The following SORCS1 variants were observed in gnomAD, a reference collection of about 807,000 sequenced individuals.
The protein encoded by SORCS1 is sortilin related VPS10 domain containing receptor 1, also known as VPS10 domain-containing receptor SorCS1.
In SORCS1, 60 loss-of-function variants were observed where a neutral mutation model predicts 146.1. That is an observed-to-expected ratio of 0.41 (90% CI 0.33 to 0.51). SORCS1 has a LOEUF of 0.51. SORCS1 is among the 20% of genes least tolerant of loss of function. The pLI is 0.21. For synonymous variants in SORCS1, 637 were observed against 584.0 expected, an observed-to-expected ratio of 1.09 and a Z score of -1.31; for missense variants, 1,352 against 1,487.6, an observed-to-expected ratio of 0.91 and a Z score of 1.50.
chr10:107,086,468 A>T (rs1332414675), intron 1 of SORCS1, among the ~76,000 whole-genome samples: 1 of 152,226 alleles, frequency 6.6e-6, no homozygotes, highest in African/African-American at 2.4e-5. Context: ...TAAATTTATC[A>T]AACTATAAAT....
intron 24 of SORCS1, among the ~76,000 whole-genome samples, chr10:106,588,876 A>C (rs1845416384): frequency 6.6e-6 from 1 of 150,692 alleles, no homozygotes; most frequent in African/African-American, 2.4e-5. Context: ...AAAAAAAAAA[A>C]AAAAAAAAAA....
intron 21 of SORCS1, among the ~76,000 whole-genome samples, chr10:106,613,764 C>T (rs1406390478): frequency 3.3e-5 from 5 of 152,196 alleles, no homozygotes; most frequent in Admixed American, 6.5e-5. Flanking sequence ...GCCTTCCTGG[C>T]CCTACATAAC....
chr10:106,902,519 A>C (rs530615672), intron 2 of SORCS1, among the ~76,000 whole-genome samples: 2 of 152,310 alleles, frequency 1.3e-5, no homozygotes, highest in African/African-American at 4.8e-5. Context: ...TAATATAGAG[A>C]GCTTAAAAAA....
At position 106,947,797 on chromosome 10, in the gene SORCS1, G is replaced by T. The variant is rs375232053; in HGVS notation, c.626+8716C>A. 1.0e-3 allele frequency among the ~76,000 whole-genome samples: 156 copies of T among 151,134 alleles called. 1 individual carries two copies. Among genetic ancestry groups the T allele is most frequent in the African/African-American group, 3.4e-3 (139 of 41,170 alleles). Reference sequence around the variant, plus strand: ...AGAGAGGCAGAGGTTGCAGTGAGCCGAGAACATGCCATCACTCTTCACAAG... The same window carrying T: ...AGAGAGGCAGAGGTTGCAGTGAGCCTAGAACATGCCATCACTCTTCACAAG... On this transcript the variant is annotated intron_variant, in intron 2 of 25. Transcript: ENST00000263054.
At chr10:106,898,485 C>T (rs1377182481) in intron 2 of SORCS1, among the ~76,000 whole-genome samples, 1 of 152,176 alleles carries the variant, frequency 6.6e-6, no homozygotes, top group African/African-American at 2.4e-5. Context: ...GAAAAGAGAA[C>T]CATTTCAACC....
chr10:106,672,533 C>T (rs1245640080), intron 15 of SORCS1, among the ~76,000 whole-genome samples: 1 of 152,168 alleles, frequency 6.6e-6, no homozygotes. Flanking sequence ...ATATCTTCCT[C>T]ATCCCTGCCC....
In SORCS1 at chr10:106,967,600, G is replaced by A. The variant is rs940925942; in HGVS notation, c.559-11020C>T. On this transcript the variant is annotated intron_variant, in intron 1 of 25. Transcript: ENST00000263054. ...ATTAACTGGGGCCAGGGAATAGGGG[G>A]AGAAGCTGGCAACTTAGCATGGTTG... Among the ~76,000 whole-genome samples, 13 of 152,200 alleles carry A rather than the reference G, an allele frequency of 8.5e-5. No homozygotes were observed. In the East Asian group the frequency reaches 2.5e-3, roughly 29 times the overall value.
At chr10:106,712,837 G>C (rs73380323) in intron 6 of SORCS1, among the ~76,000 whole-genome samples, 5,522 of 152,156 alleles carry the variant, frequency 0.036, 300 homozygotes, top group African/African-American at 0.12. Context: ...TTGTTCTCTG[G>C]CTTTTTGCTG....
chr10:106,726,548 T>C (rs1856206780), intron 6 of SORCS1, among the ~76,000 whole-genome samples: 1 of 151,976 alleles, frequency 6.6e-6, no homozygotes, highest in African/African-American at 2.4e-5. Flanking sequence ...GCCTCATTGT[T>C]TTTAGGATAA....
At chr10:107,042,272 C>T (rs1216630591) in intron 1 of SORCS1, among the ~76,000 whole-genome samples, 1 of 152,164 alleles carries the variant, frequency 6.6e-6, no homozygotes, top group Non-Finnish European at 1.5e-5. Flanking sequence ...GCAACAAAAA[C>T]AAGAACTATG....
intron 2 of SORCS1, among the ~76,000 whole-genome samples, chr10:106,910,332 T>TAGAG (rs58664426): frequency 0.026 from 3,971 of 150,918 alleles, 133 homozygotes; most frequent in East Asian, 0.11. Flanking sequence ...TATATATATA[T>TAGAG]AGAGAGTGAG....
chr10:106,844,043 T>G (rs1367637041), intron 2 of SORCS1, among the ~76,000 whole-genome samples: 3 of 152,224 alleles, frequency 2.0e-5, no homozygotes, highest in Admixed American at 6.5e-5. Flanking sequence ...TTGCTCCACA[T>G]CACTTGTTAT....
chr10:106,814,893 C>T (rs1393220476), intron 3 of SORCS1, among the ~76,000 whole-genome samples: 68 of 109,112 alleles, frequency 6.2e-4, no homozygotes, highest in African/African-American at 2.3e-3. Context: ...CCAGCCTGGG[C>T]GACAGAGCGA....
intron 6 of SORCS1, among the ~76,000 whole-genome samples, chr10:106,727,273 G>A (rs943747487): frequency 3.9e-5 from 6 of 152,144 alleles, no homozygotes; most frequent in Non-Finnish European, 5.9e-5. Context: ...CTGGTCAGCC[G>A]GGTATGCCAT....
At chr10:106,990,348 C>A (rs1030311252) in intron 1 of SORCS1, among the ~76,000 whole-genome samples, 6 of 152,202 alleles carry the variant, frequency 3.9e-5, no homozygotes, top group African/African-American at 1.4e-4. Context: ...TGGCTCACTG[C>A]AACCTTCACC....
At chr10:107,017,865 C>A (rs1419232976) in intron 1 of SORCS1, among the ~76,000 whole-genome samples, 8 of 152,018 alleles carry the variant, frequency 5.3e-5, no homozygotes, top group Admixed American at 4.6e-4. Context: ...GGTGTTTCAC[C>A]ATGTTAGTCA....
At chr10:106,661,124 T>C (rs1484425844) in intron 17 of SORCS1, among the ~76,000 whole-genome samples, 1 of 152,242 alleles carries the variant, frequency 6.6e-6, no homozygotes, top group Non-Finnish European at 1.5e-5. Context: ...CATATATAAG[T>C]ATCACTGAAT....
chr10:106,909,982 A>G (rs1952071014), intron 2 of SORCS1, among the ~76,000 whole-genome samples: 1 of 152,206 alleles, frequency 6.6e-6, no homozygotes, highest in South Asian at 2.1e-4. Flanking sequence ...TTTAAAAGCT[A>G]TATAGCAATT....
rs74152268 is a variant in SORCS1 at position 106,898,357 on chromosome 10, A to T, written c.626+58156T>A. On this transcript the variant is annotated intron_variant, in intron 2 of 25. Coordinates refer to ENST00000263054, the MANE Select transcript of SORCS1 (RefSeq NM_052918.5). ...ACCCTCCCACCTAATTAGATGTCTG[A>T]CAGCCAACATCGGCAGGACTGCTGT... Among the ~76,000 whole-genome samples the T allele has an allele frequency of 9.9e-3, 1,507 of 152,290 alleles. 36 individuals carry two copies. Among genetic ancestry groups the T allele is most frequent in the African/African-American group, 0.035 (1,450 of 41,584 alleles).
Sources: allele counts gnomAD v4.1 joint callset (sites outside exome capture counted in the v4.1 genomes callset), GRCh38; gene constraint gnomAD v4.1.1; transcripts MANE v1.5; gene names NCBI Gene and HGNC (gene_info 2026-07-23, HGNC 2026-07-21).